MGA: variants seen among roughly 807,000 people sequenced by gnomAD.
MGA encodes the protein MAX dimerization protein MGA.
MGA carries 40 observed loss-of-function variants against 261.1 expected under a neutral mutation model. That is an observed-to-expected ratio of 0.15 (90% CI 0.12 to 0.20). The LOEUF is 0.20. MGA is among the 10% of genes least tolerant of loss of function. The pLI is 1.00. For synonymous variants in MGA, 1,302 were observed against 1,290.6 expected (o/e 1.01, Z -0.19); for missense variants, 3,397 against 3,630.5 (o/e 0.94, Z 1.65).
intron 11 of MGA, among the ~76,000 whole-genome samples, chr15:41,734,098 G>A (rs1430820299): frequency 1.3e-5 from 2 of 151,748 alleles, no homozygotes; most frequent in Admixed American, 1.3e-4. Flanking sequence ...TGGTATAGAT[G>A]GGGTTTTGCC....
intron 12 of MGA, among the ~76,000 whole-genome samples, chr15:41,735,055 T>G (rs2061696378): frequency 6.6e-6 from 1 of 152,212 alleles, no homozygotes; most frequent in Non-Finnish European, 1.5e-5. Context: ...TGTTTTTGGT[T>G]ATGCTTCCCG....
chr15:41,674,629 C>G (rs1028487538), intron 2 of MGA, among the ~76,000 whole-genome samples: 7 of 152,110 alleles, frequency 4.6e-5, no homozygotes, highest in African/African-American at 1.7e-4. Flanking sequence ...AAGTGATTCT[C>G]CTGCCTCAGC....
chr15:41,703,378 C>CCA (rs1555419122), intron 5 of MGA, among the ~76,000 whole-genome samples: 2 of 142,308 alleles, frequency 1.4e-5, no homozygotes, highest in Non-Finnish European at 3.1e-5. Flanking sequence ...ACCCCCCCCC[C>CCA]CACTCCCCAC....
rs969752444 is a variant in MGA, at chr15:41,705,260, C to T, written c.2189-2468C>T. Among the ~76,000 whole-genome samples, 7 of 151,814 alleles carry T rather than the reference C, an allele frequency of 4.6e-5. No homozygotes were observed. In the South Asian group the frequency reaches 6.3e-4, roughly 14 times the overall value. ...GATTACAGCTGTGAGCCACCATGTC[C>T]GGCCTCAGATTTCTTTTTGTTTACC... On this transcript the variant is annotated intron_variant, in intron 5 of 23. Coordinates refer to ENST00000219905, the MANE Select transcript of MGA (RefSeq NM_001164273.2).
At chr15:41,648,007 C>T (rs2056968358) in intron 1 of MGA, among the ~76,000 whole-genome samples, 1 of 152,144 alleles carries the variant, frequency 6.6e-6, no homozygotes, top group Non-Finnish European at 1.5e-5. Flanking sequence ...TCAGTTTGTC[C>T]AGAATCGACA....
chr15:41,622,667 C>G (rs1163741425), intron 1 of MGA, among the ~76,000 whole-genome samples: 1 of 152,060 alleles, frequency 6.6e-6, no homozygotes, highest in Non-Finnish European at 1.5e-5. Context: ...AATGCTGATC[C>G]CCCATAACGC....
chr15:41,668,199 A>C (rs369487740), intron 1 of MGA, among the ~76,000 whole-genome samples: 40 of 152,134 alleles, frequency 2.6e-4, no homozygotes, highest in East Asian at 2.3e-3. Context: ...ATTTAGGAAT[A>C]AAAAAATTAA....
At chr15:41,663,918 G>GA (rs1012530028) in intron 1 of MGA, among the ~76,000 whole-genome samples, 9 of 151,736 alleles carry the variant, frequency 5.9e-5, no homozygotes, top group African/African-American at 1.9e-4. Flanking sequence ...ATTTATCTTA[G>GA]AAAAAAAAGA....
At chr15:41,639,999 T>C (rs1418364667) in intron 1 of MGA, among the ~76,000 whole-genome samples, 1 of 152,164 alleles carries the variant, frequency 6.6e-6, no homozygotes, top group African/African-American at 2.4e-5. Context: ...GCTAGATTAC[T>C]GTGCACCAAA....
intron 1 of MGA, among the ~76,000 whole-genome samples, chr15:41,630,850 C>T (rs2056573684): frequency 6.6e-6 from 1 of 152,144 alleles, no homozygotes; most frequent in Non-Finnish European, 1.5e-5. Flanking sequence ...GTACTCACCC[C>T]AGGAATGTCC....
At chr15:41,658,160 T>TC (rs1469095416), upstream of MGA, among the ~76,000 whole-genome samples, 6 of 152,206 alleles carry the variant, frequency 3.9e-5, no homozygotes, top group Non-Finnish European at 8.8e-5. Flanking sequence ...TTTGTTTGTT[T>TC]CCCCTTAATA....
At chr15:41,639,674 A>G (rs2056783198) in intron 1 of MGA, among the ~76,000 whole-genome samples, 1 of 152,004 alleles carries the variant, frequency 6.6e-6, no homozygotes, top group Non-Finnish European at 1.5e-5. Context: ...CCACTAGAGT[A>G]GCTGGGACTA....
intron 5 of MGA, among the ~76,000 whole-genome samples, chr15:41,700,070 G>A (rs1471953009): frequency 5.7e-5 from 6 of 105,192 alleles, no homozygotes; most frequent in African/African-American, 1.1e-4. Context: ...TTTTTGATGC[G>A]CAGTCTCGCT....
intron 1 of MGA, among the ~76,000 whole-genome samples, chr15:41,635,639 G>T (rs545125182): frequency 2.0e-5 from 3 of 150,952 alleles, no homozygotes; most frequent in Admixed American, 1.3e-4. Flanking sequence ...AAGGCTGCAG[G>T]GAGCCATGAT....
intron 1 of MGA, among the ~76,000 whole-genome samples, chr15:41,640,458 T>G (rs778926333): frequency 1.3e-5 from 2 of 152,194 alleles, no homozygotes; most frequent in African/African-American, 4.8e-5. Flanking sequence ...GATGTAAGAT[T>G]GTACATCATT....
intron 1 of MGA, among the ~76,000 whole-genome samples, chr15:41,622,381 T>A (rs534221046): frequency 6.6e-6 from 1 of 152,144 alleles, no homozygotes; most frequent in South Asian, 2.1e-4. Context: ...AAAATTATAA[T>A]GAGACAACCG....
At chr15:41,680,736 G>A (rs2058624839) in intron 2 of MGA, among the ~76,000 whole-genome samples, 1 of 152,188 alleles carries the variant, frequency 6.6e-6, no homozygotes, top group Non-Finnish European at 1.5e-5. Flanking sequence ...GAAACATATA[G>A]GGTACATCAC....
upstream of MGA, among the ~76,000 whole-genome samples, chr15:41,656,452 C>T (rs2150764770): frequency 6.6e-6 from 1 of 151,196 alleles, no homozygotes; most frequent in South Asian, 2.1e-4. Flanking sequence ...AACAGTCCTC[C>T]CACCTCACCC....
At chr15:41,621,921 AGAC>A (rs1252159888) in intron 1 of MGA, among the ~76,000 whole-genome samples, 2 of 152,122 alleles carry the variant, frequency 1.3e-5, no homozygotes, top group African/African-American at 2.4e-5. Context: ...CGGTGAGCAC[AGAC>A]GACAAGTTCT....
Sources: gnomAD v4.1 joint callset for allele counts (sites outside exome capture counted in the v4.1 genomes callset) on GRCh38, gnomAD v4.1.1 for gene constraint, MANE v1.5 for transcripts, NCBI Gene and HGNC (gene_info 2026-07-23, HGNC 2026-07-21) for gene names.